Variants in KIAA0825 observed in about 807,000 individuals in gnomAD.
KIAA0825 encodes uncharacterized protein KIAA0825.
A neutral mutation model predicts 147.6 loss-of-function variants in KIAA0825; 119 were observed. The observed-to-expected ratio is 0.81, with a 90% confidence interval of 0.69 to 0.94. The LOEUF is 0.94. Among genes scored for constraint, KIAA0825 ranks in the 40% least tolerant of loss-of-function variants. The probability of loss-of-function intolerance (pLI) is 0.00; values close to 1 mark genes in which losing one functional copy is unlikely to be tolerated. For synonymous variants in KIAA0825, 470 were observed against 518.1 expected, an observed-to-expected ratio of 0.91 and a Z score of 1.26; for missense variants, 1,381 against 1,472.7, an observed-to-expected ratio of 0.94 and a Z score of 1.02.
At chr5:94,337,467 T>TG (rs748532984) in intron 20 of KIAA0825, among the ~76,000 whole-genome samples, 2 of 152,362 alleles carry the variant, frequency 1.3e-5, no homozygotes, top group South Asian at 4.1e-4. Flanking sequence ...GTTTCTCTAT[T>TG]GTTTACATTT....
At chr5:94,478,692 C>T (rs2151020779) in intron 6 of KIAA0825, among the ~76,000 whole-genome samples, 1 of 152,098 alleles carries the variant, frequency 6.6e-6, no homozygotes, top group South Asian at 2.1e-4. Context: ...ATAAGGATCA[C>T]TTCTAATTGA....
At chr5:94,535,599 C>T (rs1356653461) in intron 3 of KIAA0825, among the ~76,000 whole-genome samples, 3 of 151,458 alleles carry the variant, frequency 2.0e-5, no homozygotes, top group African/African-American at 7.3e-5. Flanking sequence ...TGTCAGCAGT[C>T]CTTTTGTCAG....
intron 20 of KIAA0825, among the ~76,000 whole-genome samples, chr5:94,325,204 A>T (rs1486325821): frequency 6.6e-6 from 1 of 151,964 alleles, no homozygotes; most frequent in Non-Finnish European, 1.5e-5. Flanking sequence ...AATACAGATA[A>T]TCTTTCACAT....
At chr5:94,491,107 T>C (rs1286359237) in intron 5 of KIAA0825, among the ~76,000 whole-genome samples, 2 of 152,134 alleles carry the variant, frequency 1.3e-5, no homozygotes, top group Non-Finnish European at 2.9e-5. Flanking sequence ...TATAATAGGA[T>C]AAAAGGTGCG....
intron 15 of KIAA0825, 31 bp from the exon 16 acceptor site, chr5:94,403,824 C>T (rs1350455010): frequency 6.6e-7 from 1 of 1,515,994 alleles, no homozygotes; most frequent in Middle Eastern, 1.7e-4. Flanking sequence ...TTATGGTTAG[C>T]AGAACCTAGC....
At chr5:94,273,255 G>GAACTCAA (rs1280160152) in intron 20 of KIAA0825, among the ~76,000 whole-genome samples, 1 of 152,114 alleles carries the variant, frequency 6.6e-6, no homozygotes, top group African/African-American at 2.4e-5. Context: ...CACATAGTAA[G>GAACTCAA]AACTCAAAAA....
At chr5:94,531,095 G>A (rs1179049626) in intron 3 of KIAA0825, among the ~76,000 whole-genome samples, 1 of 151,916 alleles carries the variant, frequency 6.6e-6, no homozygotes, top group Non-Finnish European at 1.5e-5. Flanking sequence ...AGTAGGTGAA[G>A]CTAACACATT....
intron 2 of KIAA0825, among the ~76,000 whole-genome samples, chr5:94,554,794 A>G (rs1776251921): frequency 1.4e-5 from 2 of 144,382 alleles, no homozygotes; most frequent in South Asian, 2.2e-4. Context: ...AAACAGATAG[A>G]TAATATTATA....
intron 2 of KIAA0825, among the ~76,000 whole-genome samples, chr5:94,573,127 T>G (rs1269827691): frequency 1.8e-4 from 21 of 115,652 alleles, no homozygotes; most frequent in Admixed American, 3.8e-4. Flanking sequence ...CTTGGGGGGG[T>G]TGGGGGGGTT....
At chr5:94,461,432 C>T (rs780200052) in intron 12 of KIAA0825, among the ~76,000 whole-genome samples, 2 of 151,816 alleles carry the variant, frequency 1.3e-5, no homozygotes, top group Admixed American at 6.6e-5. Context: ...CGATTATGAA[C>T]GATTATGTAC....
chr5:94,382,860 T>C (rs1748603647), intron 20 of KIAA0825, among the ~76,000 whole-genome samples: 1 of 152,256 alleles, frequency 6.6e-6, no homozygotes, highest in Non-Finnish European at 1.5e-5. Context: ...TGTTTGTCCC[T>C]AGAGGACCAT....
chr5:94,335,842 C>T (rs1309974775), intron 20 of KIAA0825, among the ~76,000 whole-genome samples: 1 of 152,104 alleles, frequency 6.6e-6, no homozygotes, highest in Non-Finnish European at 1.5e-5. Flanking sequence ...TATTGAGTCA[C>T]TTACTAAAAT....
intron 20 of KIAA0825, among the ~76,000 whole-genome samples, chr5:94,237,924 T>C (rs1176469335): frequency 2.6e-5 from 4 of 152,182 alleles, no homozygotes; most frequent in African/African-American, 9.7e-5. Context: ...ATTCACTGGA[T>C]TTCATTTAAT....
At chr5:94,510,281 T>G (rs528239888) in intron 5 of KIAA0825, among the ~76,000 whole-genome samples, 5 of 152,226 alleles carry the variant, frequency 3.3e-5, no homozygotes, top group Non-Finnish European at 7.4e-5. Flanking sequence ...TTACTTAGTC[T>G]TTTTTATTTC....
Position 94,558,535 on chromosome 5 carries a change from T to G in KIAA0825, c.-1-21408A>C, listed in dbSNP as rs1238678931. ...TGCTCCACTGCCCAACACTTACATTTTTTTCCCTTAAAGTAACCACAGTAG... is the reference window on the plus strand; with the variant it reads ...TGCTCCACTGCCCAACACTTACATTGTTTTCCCTTAAAGTAACCACAGTAG... On this transcript the variant is annotated intron_variant, in intron 2 of 20. Transcript: ENST00000682413. Among the ~76,000 whole-genome samples, 4 of 152,202 alleles carry G rather than the reference T, an allele frequency of 2.6e-5. No individual in the cohort carries two copies. The East Asian group carries it at 5.8e-4, about 22-fold the overall frequency.
intron 5 of KIAA0825, among the ~76,000 whole-genome samples, chr5:94,488,266 T>C (rs1413164705): frequency 1.3e-5 from 2 of 152,188 alleles, no homozygotes; most frequent in Non-Finnish European, 2.9e-5. Flanking sequence ...CTTTATTTAT[T>C]TATTTAAATC....
chr5:94,520,623 G>C lies in KIAA0825; in HGVS notation c.595C>G (p.Leu199Val), dbSNP rs776899694. ...TCTGATTCTGGATAAAGAAACAAGAGTTGTTGTAAGCACTGCTTTTTCAAT... is the reference window on the plus strand; with the variant it reads ...TCTGATTCTGGATAAAGAAACAAGACTTGTTGTAAGCACTGCTTTTTCAAT... ...ILLKKQCLQQ[L>V]LFLYPESEVI... The change falls in exon 5 of 21, where the codon CTC becomes GTC. Residue 199 changes from leucine to valine, a missense_variant. Coordinates refer to ENST00000682413, the MANE Select transcript of KIAA0825 (RefSeq NM_001145678.3). 1 of 1,613,298 alleles carries C rather than the reference G, an allele frequency of 6.2e-7. No individual in the cohort carries two copies. The highest frequency in any genetic ancestry group is 1.3e-5 in the African/African-American group (1 of 74,998).
intron 3 of KIAA0825, among the ~76,000 whole-genome samples, chr5:94,527,086 C>A (rs1769446288): frequency 6.6e-6 from 1 of 151,992 alleles, no homozygotes; most frequent in South Asian, 2.1e-4. Context: ...TGTTGCCTCA[C>A]TTTAAAACTA....
chr5:94,335,647 T>A (rs1421266617), intron 20 of KIAA0825, among the ~76,000 whole-genome samples: 3 of 152,126 alleles, frequency 2.0e-5, no homozygotes, highest in African/African-American at 7.2e-5. Context: ...CCACAAGAGT[T>A]AAAACCTAAA....
Sources: gnomAD v4.1 joint callset for allele counts (sites outside exome capture counted in the v4.1 genomes callset) on GRCh38, gnomAD v4.1.1 for gene constraint, MANE v1.5 for transcripts, NCBI Gene and HGNC (gene_info 2026-07-23, HGNC 2026-07-21) for gene names.